The following SUMF1 variants were observed in gnomAD, a reference collection of about 807,000 sequenced individuals.
SUMF1 encodes the protein formylglycine-generating enzyme.
In SUMF1, 48 loss-of-function variants were observed where a neutral mutation model predicts 47.6. The observed-to-expected ratio is 1.01, with a 90% confidence interval of 0.80 to 1.28. The LOEUF (loss-of-function observed/expected upper bound fraction) is 1.28. Among genes scored for constraint, SUMF1 ranks in the 50% most tolerant of loss-of-function variants. SUMF1 has a pLI of 0.00. For synonymous variants in SUMF1, 230 were observed against 192.1 expected, an observed-to-expected ratio of 1.20 and a Z score of -1.63; for missense variants, 571 against 485.4, an observed-to-expected ratio of 1.18 and a Z score of -1.66.
chr3:4,201,586 T>C (rs758837484), intron 8 of SUMF1, among the ~76,000 whole-genome samples: 1 of 152,146 alleles, frequency 6.6e-6, no homozygotes. Context: ...CAATTGTGAA[T>C]AGTGCTGCAA....
At chr3:4,085,706 A>G (rs2125048784) in intron 8 of SUMF1, among the ~76,000 whole-genome samples, 1 of 152,244 alleles carries the variant, frequency 6.6e-6, no homozygotes, top group African/African-American at 2.4e-5. Flanking sequence ...AATGCTACAG[A>G]GACTTAGTAT....
rs1206478992 is a variant in SUMF1 at position 4,321,470 on chromosome 3, TAAA to T, written c.1014+54857_1014+54859del. Among the ~76,000 whole-genome samples the T allele has an allele frequency of 7.8e-3, 500 of 63,736 alleles. 3 individuals are homozygous for T. The highest frequency in any genetic ancestry group is 0.012 in the Non-Finnish European group (399 of 32,176). The allele number at this position is 63,736 out of a possible 152,430, so 41.8% of individuals were successfully genotyped here. A position where few individuals can be genotyped will look rare whatever the true frequency, so the allele number is the denominator to read the frequency against. On this transcript the variant is annotated intron_variant and NMD_transcript_variant, in intron 8 of 12. Coordinates refer to the SUMF1 transcript ENST00000448413. Reference sequence around the variant, plus strand: ...GTAGTGCCAGAAAGTAAGGAAATGCTAAAAAAAAAAAAAAAAAAAAAAAGAAAA... The same window carrying T: ...GTAGTGCCAGAAAGTAAGGAAATGCTAAAAAAAAAAAAAAAAAAAAGAAAA...
At chr3:4,139,190 AAAT>A in intron 8 of SUMF1, among the ~76,000 whole-genome samples, 1 of 152,112 alleles carries the variant, frequency 6.6e-6, no homozygotes, top group Non-Finnish European at 1.5e-5. Flanking sequence ...CAGTTTTTAA[AAAT>A]TATTATCCAG....
chr3:4,266,908 TA>T (rs1697207202), intron 8 of SUMF1, among the ~76,000 whole-genome samples: 1 of 151,210 alleles, frequency 6.6e-6, no homozygotes, highest in Non-Finnish European at 1.5e-5. Flanking sequence ...CATCAATACC[TA>T]ATTTATTGAG....
At chr3:4,436,376 G>A (rs1310599160) in intron 3 of SUMF1, among the ~76,000 whole-genome samples, 1 of 151,878 alleles carries the variant, frequency 6.6e-6, no homozygotes, top group African/African-American at 2.4e-5. Flanking sequence ...TAATACTAAA[G>A]ATATAGCCAA....
chr3:4,132,845 T>C lies in SUMF1; in HGVS notation c.1015-64100A>G, dbSNP rs2082586340. Among the ~76,000 whole-genome samples, 3 of 152,114 alleles carry C rather than the reference T, an allele frequency of 2.0e-5. No homozygotes were observed. The South Asian group carries it at 6.2e-4, about 32-fold the overall frequency. On this transcript the variant is annotated intron_variant and NMD_transcript_variant, in intron 8 of 12. Transcript: ENST00000448413. ...GAGGTAAGGAAGAGTATGCATGGAA[T>C]ACAGGAGATCCATTAGGGCATCTCT...
In SUMF1 at chr3:4,449,439, C is replaced by T. The variant is rs1395812103; in HGVS notation, c.445-99G>A. On this transcript the variant is annotated intron_variant, in intron 2 of 8. Transcript: ENST00000272902. ...ACACTATTAAAGTGATTCCTCTTGT[C>T]CAATTGAACTTGAGTCTTTCTTATG... The T allele has an allele frequency of 4.9e-6, 6 of 1,214,790 alleles. No homozygotes were observed. In the African/African-American group the frequency reaches 9.0e-5, roughly 18 times the overall value. 75.3% of individuals were successfully genotyped at this position (1,214,790 alleles called of 1,614,324 possible).
intron 7 of SUMF1, among the ~76,000 whole-genome samples, chr3:4,388,436 T>C (rs1700742668): frequency 6.6e-6 from 1 of 152,120 alleles, no homozygotes; most frequent in Non-Finnish European, 1.5e-5. Flanking sequence ...CATTTTGTTG[T>C]CAACTTGCTT....
intron 8 of SUMF1, among the ~76,000 whole-genome samples, chr3:4,355,197 A>T (rs1238711341): frequency 6.6e-6 from 1 of 152,206 alleles, no homozygotes; most frequent in East Asian, 1.9e-4. Context: ...AAAATAAAAA[A>T]TAAAAAAAAC....
At chr3:4,111,666 G>C (rs760874024) in intron 8 of SUMF1, among the ~76,000 whole-genome samples, 1 of 151,964 alleles carries the variant, frequency 6.6e-6, no homozygotes, top group Non-Finnish European at 1.5e-5. Flanking sequence ...TTGAACCCAG[G>C]GGGCAGAGGT....
intron 3 of SUMF1, among the ~76,000 whole-genome samples, chr3:4,435,464 A>G (rs1702366812): frequency 6.6e-6 from 1 of 152,176 alleles, no homozygotes; most frequent in Non-Finnish European, 1.5e-5. Context: ...AAGAGAGGAG[A>G]GATTGGTGTT....
At chr3:4,284,468 G>GAGGAGGAGGAGGAGGAGT (rs1697591614) in intron 8 of SUMF1, among the ~76,000 whole-genome samples, 1 of 145,376 alleles carries the variant, frequency 6.9e-6, no homozygotes, top group African/African-American at 2.5e-5. Context: ...GGAGGAGGAG[G>GAGGAGGAGGAGGAGGAGT]AGGAGAAGGA....
intron 7 of SUMF1, among the ~76,000 whole-genome samples, chr3:4,394,248 C>T (rs1001674078): frequency 1.1e-4 from 16 of 152,194 alleles, no homozygotes; most frequent in African/African-American, 3.9e-4. Flanking sequence ...TGACTCACTG[C>T]AGCCTCAATT....
intron 8 of SUMF1, among the ~76,000 whole-genome samples, chr3:4,368,558 C>T (rs981564351): frequency 7.2e-5 from 11 of 152,070 alleles, no homozygotes; most frequent in African/African-American, 1.5e-4. Flanking sequence ...TGCGGCACTA[C>T]TCACAATAGC....
At chr3:4,316,842 G>A (rs780052945) in intron 8 of SUMF1, 29 of 1,549,976 alleles carry the variant, frequency 1.9e-5, no homozygotes, top group East Asian at 4.9e-5. Flanking sequence ...TCTGAATCCC[G>A]GTGAAACCAT....
rs1286732964 is a variant in SUMF1 at position 4,175,117 on chromosome 3, A to G, written c.1015-106372T>C. 2.0e-5 allele frequency among the ~76,000 whole-genome samples: 3 copies of G among 152,212 alleles called. 1 individual carries two copies. The highest frequency in any genetic ancestry group is 4.4e-5 in the Non-Finnish European group (3 of 68,030). On this transcript the variant is annotated intron_variant and NMD_transcript_variant, in intron 8 of 12. Coordinates refer to the SUMF1 transcript ENST00000448413. ...TCTCTGGGCAGGGCATAGCTGAACA[A>G]AAGAAAGCAGACAACTTCTGCAGAT...
At chr3:4,146,689 C>G (rs1694201280) in intron 8 of SUMF1, among the ~76,000 whole-genome samples, 1 of 151,522 alleles carries the variant, frequency 6.6e-6, no homozygotes, top group African/African-American at 2.4e-5. Flanking sequence ...CTCCCCCTTC[C>G]CCCCACCCCA....
chr3:4,392,537 T>G (rs1269260956), intron 7 of SUMF1, among the ~76,000 whole-genome samples: 3 of 150,814 alleles, frequency 2.0e-5, no homozygotes, highest in African/African-American at 2.4e-5. Context: ...TATGCATAAT[T>G]TAAGATTACA....
At chr3:4,262,971 G>A (rs753365513) in intron 8 of SUMF1, among the ~76,000 whole-genome samples, 7 of 152,196 alleles carry the variant, frequency 4.6e-5, no homozygotes, top group Admixed American at 2.0e-4. Flanking sequence ...GATGGCACTA[G>A]CTCTATGAGA....
Sources: allele counts gnomAD v4.1 joint callset (sites outside exome capture counted in the v4.1 genomes callset), GRCh38; gene constraint gnomAD v4.1.1; transcripts MANE v1.5; gene names NCBI Gene and HGNC (gene_info 2026-07-23, HGNC 2026-07-21).